The following KCNIP3 variants were observed in gnomAD, a reference collection of about 807,000 sequenced individuals.
The protein encoded by KCNIP3 is potassium voltage-gated channel interacting protein 3, also known as calsenilin.
KCNIP3 carries 28 observed loss-of-function variants against 35.0 expected under a neutral mutation model. The observed-to-expected ratio is 0.80, with a 90% CI of 0.59 to 1.10. The LOEUF is 1.10. KCNIP3 is among the 50% of genes least tolerant of loss of function. KCNIP3 has a pLI of 0.00. For missense variants in KCNIP3, 295 were observed against 338.4 expected (o/e 0.87, Z 1.01); for synonymous variants, 134 against 133.8 (o/e 1.00, Z -0.01).
rs868118163 is a variant in KCNIP3 at position 95,382,647 on chromosome 2, A to G, written c.660+166A>G. Reference sequence around the variant, plus strand: ...TGGCTGGTTGTCAGAACCCCTGAGAAGTGAACTACACCACTGCTCTGCCCT... The same window carrying G: ...TGGCTGGTTGTCAGAACCCCTGAGAGGTGAACTACACCACTGCTCTGCCCT... On this transcript the variant is annotated intron_variant, in intron 7 of 8. Coordinates refer to ENST00000295225, the MANE Select transcript of KCNIP3 (RefSeq NM_013434.5). The surrounding 1 kb of genome is among the most constrained non-coding windows in gnomAD (Gnocchi z 4.5). 4.6e-5 allele frequency among the ~76,000 whole-genome samples: 7 copies of G among 152,164 alleles called. No homozygotes were observed. The highest frequency in any genetic ancestry group is 7.3e-5 in the Non-Finnish European group (5 of 68,042).
intron 1 of KCNIP3, among the ~76,000 whole-genome samples, chr2:95,309,514 C>T (rs1573480419): frequency 6.6e-6 from 1 of 151,358 alleles, no homozygotes; most frequent in African/African-American, 2.4e-5. Context: ...ACCTCCGTCT[C>T]CCGGGCTCAA....
intron 1 of KCNIP3, among the ~76,000 whole-genome samples, chr2:95,298,428 C>T (rs1407239571): frequency 6.6e-6 from 1 of 152,136 alleles, no homozygotes; most frequent in Non-Finnish European, 1.5e-5. Context: ...CTCCAGCCAG[C>T]ACACATGGGC....
intron 1 of KCNIP3, among the ~76,000 whole-genome samples, chr2:95,301,198 T>C (rs1196537144): frequency 1.3e-5 from 2 of 152,230 alleles, no homozygotes; most frequent in Non-Finnish European, 2.9e-5. Context: ...GTCTGAGAGA[T>C]GCTCACAGCA....
intron 2 of KCNIP3, among the ~76,000 whole-genome samples, chr2:95,364,764 C>T (rs1260174324): frequency 1.1e-4 from 17 of 152,162 alleles, no homozygotes; most frequent in Admixed American, 1.1e-3. Context: ...TCCTGAGGCC[C>T]TCACCAGAGG....
chr2:95,339,165 A>G (rs986958731), intron 2 of KCNIP3, among the ~76,000 whole-genome samples: 9 of 152,104 alleles, frequency 5.9e-5, no homozygotes, highest in Non-Finnish European at 7.4e-5. Context: ...ATCTGCCCCA[A>G]TCTATCCCTC....
At position 95,385,043 on chromosome 2, in the gene KCNIP3, T is replaced by G. The variant is rs1219217324; in HGVS notation, c.*994T>G. 1.3e-5 allele frequency: 2 copies of G among 152,860 alleles called. No individual in the cohort carries two copies. The highest frequency in any genetic ancestry group is 2.9e-5 in the Non-Finnish European group (2 of 68,222). The allele number at this position is 152,860 out of a possible 1,614,324, so 9.5% of individuals were successfully genotyped here. A position where few individuals can be genotyped will look rare whatever the true frequency, so the allele number is the denominator to read the frequency against. Reference sequence around the variant, plus strand: ...TCCTCTTCCTGTAGTGCCCCTCCCATGGCCCAGCAGCTTGGCTGAGCCCCC... The same window carrying G: ...TCCTCTTCCTGTAGTGCCCCTCCCAGGGCCCAGCAGCTTGGCTGAGCCCCC... On this transcript the variant is annotated 3_prime_UTR_variant, in exon 9 of 9. Coordinates refer to ENST00000295225, the MANE Select transcript of KCNIP3 (RefSeq NM_013434.5).
intron 2 of KCNIP3, among the ~76,000 whole-genome samples, chr2:95,374,008 A>G (rs1239694785): frequency 5.3e-5 from 8 of 152,252 alleles, no homozygotes. Flanking sequence ...CTTTAGGACA[A>G]GAGCAGCTCC....
intron 2 of KCNIP3, among the ~76,000 whole-genome samples, chr2:95,329,797 G>A (rs1348568874): frequency 2.6e-5 from 4 of 152,250 alleles, no homozygotes; most frequent in South Asian, 4.1e-4. Context: ...GATCGCCTTC[G>A]ATCCTGGGTG....
intron 2 of KCNIP3, among the ~76,000 whole-genome samples, chr2:95,324,819 A>G (rs1019588156): frequency 6.6e-6 from 1 of 151,810 alleles, no homozygotes; most frequent in Admixed American, 6.6e-5. Context: ...GTTGAGGCAG[A>G]AGAATGGCTT....
chr2:95,317,916 T>A (rs1678498548), intron 2 of KCNIP3, among the ~76,000 whole-genome samples: 1 of 152,120 alleles, frequency 6.6e-6, no homozygotes. Flanking sequence ...CTGGGAGGCA[T>A]CATCAGCGTC....
intron 2 of KCNIP3, among the ~76,000 whole-genome samples, chr2:95,373,389 G>C (rs1458324748): frequency 6.7e-6 from 1 of 148,614 alleles, no homozygotes; most frequent in African/African-American, 2.5e-5. Flanking sequence ...CTCAAATGTA[G>C]CCATGGTTAG....
At chr2:95,300,382 G>A (rs1244860385) in intron 1 of KCNIP3, among the ~76,000 whole-genome samples, 2 of 152,232 alleles carry the variant, frequency 1.3e-5, no homozygotes, top group Non-Finnish European at 2.9e-5. Flanking sequence ...TACTGACTTA[G>A]CAGAGGGGCC....
chr2:95,334,381 T>C (rs1679006488), intron 2 of KCNIP3, among the ~76,000 whole-genome samples: 1 of 150,268 alleles, frequency 6.7e-6, no homozygotes, highest in Non-Finnish European at 1.5e-5. Context: ...GGTTAAGGAA[T>C]GCTTCCCCAC....
intron 2 of KCNIP3, among the ~76,000 whole-genome samples, chr2:95,324,919 GACAAA>G (rs1678699734): frequency 2.6e-5 from 4 of 152,202 alleles, no homozygotes; most frequent in East Asian, 3.9e-4. Context: ...TCAAAAACAA[GACAAA>G]ACAAAAGACA....
intron 2 of KCNIP3, among the ~76,000 whole-genome samples, chr2:95,371,031 A>T (rs1160027123): frequency 6.6e-6 from 1 of 152,178 alleles, no homozygotes; most frequent in South Asian, 2.1e-4. Flanking sequence ...GGCCTCCCAA[A>T]GTGCTGGGAT....
intron 2 of KCNIP3, among the ~76,000 whole-genome samples, chr2:95,351,177 A>C (rs1455160511): frequency 6.6e-6 from 1 of 152,216 alleles, no homozygotes; most frequent in Admixed American, 6.5e-5. Flanking sequence ...CCTGAAGACT[A>C]CTGCCCTGGC....
chr2:95,316,969 T>G (rs1678473620), intron 2 of KCNIP3, among the ~76,000 whole-genome samples: 1 of 152,172 alleles, frequency 6.6e-6, no homozygotes, highest in Non-Finnish European at 1.5e-5. Context: ...GGCAGGGGGT[T>G]GGTCAGCTCC....
intron 2 of KCNIP3, among the ~76,000 whole-genome samples, chr2:95,352,329 T>C (rs559291805): frequency 6.6e-6 from 1 of 152,228 alleles, no homozygotes; most frequent in Admixed American, 6.5e-5. Context: ...CCAGCATTTG[T>C]TAGCAGGTCA....
intron 1 of KCNIP3, chr2:95,310,114 C>A: frequency 1.5e-6 from 1 of 649,454 alleles, no homozygotes; most frequent in Non-Finnish European, 2.8e-6. Context: ...TCTCTGCACC[C>A]CTGTCTGCCC....
Sources: allele counts gnomAD v4.1 joint callset (sites outside exome capture counted in the v4.1 genomes callset), GRCh38; gene constraint gnomAD v4.1.1; non-coding constraint Gnocchi (gnomAD v3.1); transcripts MANE v1.5; gene names NCBI Gene and HGNC (gene_info 2026-07-23, HGNC 2026-07-21).